Variants in ATP12A observed in about 807,000 individuals in gnomAD.
ATP12A encodes ATPase H+/K+ transporting non-gastric alpha2 subunit, also known as potassium-transporting ATPase alpha chain 2.
Under a neutral mutation model 111.2 loss-of-function variants are expected in ATP12A, and 81 were observed. The ratio of observed to expected loss-of-function variants is 0.73; its 90% CI spans 0.61 to 0.88. The LOEUF (loss-of-function observed/expected upper bound fraction) is 0.88, where lower values mean the gene tolerates loss of function less well. Ranked by LOEUF, ATP12A falls within the 40% of genes least tolerant of loss-of-function variation. The pLI, the probability that ATP12A is intolerant of heterozygous loss-of-function variation, is 0.00. For missense variants in ATP12A, 1,196 were observed against 1,313.1 expected, an observed-to-expected ratio of 0.91 and a Z score of 1.38; for synonymous variants, 498 against 499.8, an observed-to-expected ratio of 1.00 and a Z score of 0.05.
chr13:24,698,722 CT>C lies in ATP12A; in HGVS notation c.1578del (p.Glu527SerfsTer4). On this transcript the variant is annotated frameshift_variant, in exon 12 of 23. Transcript: ENST00000381946. LOFTEE classifies it high-confidence loss of function. ...TTCCTCATGGTGATGAAGGGGGCCC[CT>C]GAGCGCATCCTAGAGAAATGCAGCA... ...KRFLMVMKGA[P>X]ERILEKCSTI... 1 of 1,614,004 alleles carries C rather than the reference CT, an allele frequency of 6.2e-7. No individual in the cohort carries two copies. The highest frequency in any genetic ancestry group is 8.5e-7 in the Non-Finnish European group (1 of 1,179,970).
chr13:24,709,492 G>A lies in ATP12A; in HGVS notation c.2617+5G>A, dbSNP rs773897731. The A allele has an allele frequency of 4.2e-5, 67 of 1,612,642 alleles. No individual in the cohort carries two copies. Among genetic ancestry groups the A allele is most frequent in the Non-Finnish European group, 5.1e-5 (60 of 1,178,890 alleles). ...TGTACTCATACCTGCACATTGGTAC[G>A]ATGAGGGCGCGTCTTCCCCATCACA... On this transcript the variant is annotated splice_donor_5th_base_variant and intron_variant, in intron 18 of 22. Transcript: ENST00000381946.
At chr13:24,702,480 T>C (rs922328982) in intron 14 of ATP12A, among the ~76,000 whole-genome samples, 1 of 152,256 alleles carries the variant, frequency 6.6e-6, no homozygotes, top group Non-Finnish European at 1.5e-5. Flanking sequence ...ATCTTGGGTA[T>C]TTATCCACCC....
At chr13:24,703,049 C>T (rs1207885850) in intron 14 of ATP12A, among the ~76,000 whole-genome samples, 1 of 152,194 alleles carries the variant, frequency 6.6e-6, no homozygotes, top group Non-Finnish European at 1.5e-5. Flanking sequence ...CAAATTACCA[C>T]GTTAGACAAC....
At chr13:24,701,403 A>G (rs1875387351) in intron 13 of ATP12A, among the ~76,000 whole-genome samples, 1 of 150,490 alleles carries the variant, frequency 6.6e-6, no homozygotes, top group Admixed American at 6.6e-5. Flanking sequence ...CGGGAGGCTG[A>G]GGCAGGAGAA....
rs777410937 is a variant in ATP12A at position 24,709,778 on chromosome 13, T to G, written c.2713T>G (p.Trp905Gly). The G allele has an allele frequency of 1.2e-6, 2 of 1,614,052 alleles. No homozygotes were observed. The highest frequency in any genetic ancestry group is 2.7e-5 in the African/African-American group (2 of 74,924). ...CACTCTCATTAACCTGCGGGTAGAA[T>G]GGGAGAAGGACTACGTGAATGACTT... ...PRTLINLRVEWEKDYVNDLKD... is the reference protein window; with the variant it reads ...PRTLINLRVEGEKDYVNDLKD... The change falls in exon 19 of 23, where the codon TGG (tryptophan) becomes GGG (glycine). Residue 905 changes from tryptophan (W) to glycine (G), a missense_variant. By Grantham distance (184) the Trp-to-Gly change is radical. Coordinates refer to ENST00000381946, the MANE Select transcript of ATP12A (RefSeq NM_001676.7).
chr13:24,710,547 A>G lies in ATP12A; in HGVS notation c.2851A>G (p.Ile951Val), dbSNP rs749567988. ...ILVQQIADLI[I>V]RKTRRNSIFQ... ...AGTCCAGCAAATAGCAGATCTGATC[A>G]TCAGGAAAACCCGGAGGAATTCCAT... The change falls in exon 20 of 23, where the codon ATC becomes GTC. Residue 951 changes from isoleucine to valine, a missense_variant. Physicochemically the swap from Ile to Val is conservative, Grantham distance 29. Around this residue, in one of 3 missense-constraint regions of ATP12A, gnomAD observed 1,126 missense variants for 1,228.5 expected, o/e 0.92. Coordinates refer to ENST00000381946, the MANE Select transcript of ATP12A (RefSeq NM_001676.7). The G allele has an allele frequency of 4.3e-6, 7 of 1,614,262 alleles. No individual in the cohort carries two copies. In the South Asian group the frequency reaches 7.7e-5, roughly 18 times the overall value.
At position 24,685,686 on chromosome 13, in the gene ATP12A, G is replaced by C. The variant is rs576005535; in HGVS notation, c.228+313G>C. On this transcript the variant is annotated intron_variant, in intron 3 of 22. Transcript: ENST00000381946. This position sits in a 1 kb window ranked among gnomAD's most constrained non-coding sequence, Gnocchi z 5.5. ...GTCCTGAGATTCACTCTATCCCCCT[G>C]GGATGGCTACAAGAAGTAGAAACGC... is the stretch of plus-strand genomic sequence containing the variant. Among the ~76,000 whole-genome samples the C allele has an allele frequency of 1.4e-4, 21 of 152,334 alleles. No homozygotes were observed. In the South Asian group the frequency reaches 4.3e-3, roughly 32 times the overall value.
rs554827579 is a variant in ATP12A, at chr13:24,680,437, T to G, written c.-307T>G. The G allele has an allele frequency of 2.5e-6, 1 of 402,838 alleles. No homozygotes were observed. Among genetic ancestry groups the G allele is most frequent in the South Asian group, 4.2e-5 (1 of 23,992 alleles). The allele number at this position is 402,838 out of a possible 1,614,324, so 25.0% of individuals were successfully genotyped here. On this transcript the variant is annotated 5_prime_UTR_variant, in exon 1 of 23. Transcript: ENST00000381946. ...ATCCTGGACTCTCCCGACCCCTAGC[T>G]GTCGGTCCCCCTCCCTGCGCGCGCG... is the stretch of plus-strand genomic sequence containing the variant.
chr13:24,690,450 T>A lies in ATP12A; in HGVS notation c.659T>A (p.Val220Glu). The change falls in exon 6 of 23, where the codon GTG becomes GAG. Residue 220 changes from valine (V) to glutamate (E), a missense_variant. Val to Glu is a moderately radical substitution (Grantham distance 121, BLOSUM62 -2). Around this residue, in one of 3 missense-constraint regions of ATP12A, gnomAD observed 1,126 missense variants for 1,228.5 expected, o/e 0.92. Transcript: ENST00000381946. ...GGDQIPADIR[V>E]LSSQGCRVDN... ...GACCAGATCCCTGCAGACATCAGGG[T>A]GCTGTCTTCTCAGGGGTGTCGGGTA... 6.2e-7 allele frequency: 1 copy of A among 1,613,306 alleles called. No homozygotes were observed.
rs752899934 is a variant in ATP12A at position 24,694,472 on chromosome 13, C to T, written c.1406C>T (p.Thr469Ile). ...KKAVIGDASE[T>I]ALLKFSEVIL... ...GCTGTGATTGGAGATGCCTCAGAAA[C>T]TGCTCTTTTAAAATTCTCAGAGGTC... Residue 469 changes from threonine to isoleucine, a missense_variant, in exon 11 of 23, where the codon ACT becomes ATT. Physicochemically the swap from Thr to Ile is moderately conservative, Grantham distance 89. This residue lies in a region of ATP12A where 1,126 missense variants were observed against 1,228.5 expected (regional missense o/e 0.92). Transcript: ENST00000381946. 1.9e-6 allele frequency: 3 copies of T among 1,614,018 alleles called. No individual in the cohort carries two copies. The highest frequency in any genetic ancestry group is 2.5e-6 in the Non-Finnish European group (3 of 1,179,984).
intron 11 of ATP12A, among the ~76,000 whole-genome samples, chr13:24,697,889 C>T (rs1214713561): frequency 6.6e-6 from 1 of 152,056 alleles, no homozygotes; most frequent in Non-Finnish European, 1.5e-5. Context: ...TTGTAAAGAA[C>T]TGTTTTACCC....
chr13:24,704,625 A>G, intron 14 of ATP12A: 1 of 167,296 alleles, frequency 6.0e-6, no homozygotes, highest in Non-Finnish European at 1.3e-5. Context: ...ATCCTTTCAG[A>G]TGGGCATGGA....
Position 24,707,264 on chromosome 13 carries a change from A to C in ATP12A, c.2339-15A>C. On this transcript the variant is annotated splice_polypyrimidine_tract_variant and intron_variant, in intron 16 of 22. Transcript: ENST00000381946. ...GACTAGAAGTAAGTTCTGAAGGAGA[A>C]ACCTCTCTGCCTAGGTCGCCTGATC... is the stretch of plus-strand genomic sequence containing the variant. The C allele has an allele frequency of 1.2e-6, 2 of 1,614,140 alleles. No homozygotes were observed. The highest frequency in any genetic ancestry group is 1.7e-6 in the Non-Finnish European group (2 of 1,179,996).
intron 5 of ATP12A, among the ~76,000 whole-genome samples, chr13:24,689,961 C>T (rs1047368358): frequency 3.9e-5 from 6 of 152,162 alleles, no homozygotes; most frequent in Admixed American, 6.5e-5. Flanking sequence ...TCTGCCCAGA[C>T]GCCCAGCCAG....
chr13:24,690,497 C>A (rs1252886473), intron 6 of ATP12A, 25 bp downstream of exon 6: 1 of 1,612,402 alleles, frequency 6.2e-7, no homozygotes, highest in African/African-American at 1.3e-5. Flanking sequence ...GTATCCACCC[C>A]AAGGACCATG....
chr13:24,707,970 A>AT (rs1875744544), intron 17 of ATP12A, among the ~76,000 whole-genome samples: 1 of 151,610 alleles, frequency 6.6e-6, no homozygotes, highest in Non-Finnish European at 1.5e-5. Flanking sequence ...TTTTCAAGAC[A>AT]TGAGTCTTCA....
rs1412678617 is a variant in ATP12A, at chr13:24,707,309, CTA to C, written c.2371_2372del (p.Ile791CysfsTer35). On this transcript the variant is annotated frameshift_variant, in exon 17 of 23. Coordinates refer to ENST00000381946, the MANE Select transcript of ATP12A (RefSeq NM_001676.7). LOFTEE classifies it high-confidence loss of function. ...CTGATCTTTGACAACCTCAAGAAGA[CTA>C]TTGCTTATTCCCTGACCAAGAACAT... 1 of 1,614,128 alleles carries C rather than the reference CTA, an allele frequency of 6.2e-7. No individual in the cohort carries two copies. The highest frequency in any genetic ancestry group is 8.5e-7 in the Non-Finnish European group (1 of 1,180,050).
intron 11 of ATP12A, among the ~76,000 whole-genome samples, chr13:24,697,777 C>T (rs1412394778): frequency 6.6e-6 from 1 of 151,624 alleles, no homozygotes; most frequent in African/African-American, 2.4e-5. Flanking sequence ...AATGTCTTTA[C>T]TTGATCATTA....
rs757820542 is a variant in ATP12A at position 24,702,009 on chromosome 13, C to T, written c.1956C>T (p.Asn652=). The T allele has an allele frequency of 1.9e-5, 30 of 1,614,208 alleles. No homozygotes were observed. Among genetic ancestry groups the T allele is most frequent in the Non-Finnish European group, 2.5e-5 (30 of 1,180,048 alleles). The change falls in exon 14 of 23, where the codon AAC becomes AAT. Residue 652 remains asparagine (N), a synonymous_variant. Transcript: ENST00000381946. ...IAKSVGIISA[N]SETVEDIAHR... ...AGAGTGTGGGGATCATTTCAGCCAA[C>T]AGTGAAACAGTGGAAGACATTGCAC...
Sources: allele counts gnomAD v4.1 joint callset (sites outside exome capture counted in the v4.1 genomes callset), GRCh38; gene constraint gnomAD v4.1.1; regional missense constraint gnomAD v4.1.1; non-coding constraint Gnocchi (gnomAD v3.1); transcripts MANE v1.5; gene names NCBI Gene and HGNC (gene_info 2026-07-23, HGNC 2026-07-21).